Variants in DSCAM observed in about 807,000 individuals in gnomAD.
DSCAM encodes the protein DS cell adhesion molecule, also known as cell adhesion molecule DSCAM.
DSCAM carries 47 observed loss-of-function variants against 217.7 expected under a neutral mutation model. The ratio of observed to expected loss-of-function variants is 0.22; its 90% CI spans 0.17 to 0.28. The LOEUF (loss-of-function observed/expected upper bound fraction) is 0.28, where lower values mean the gene tolerates loss of function less well. Among genes scored for constraint, DSCAM ranks in the 10% least tolerant of loss-of-function variants. The pLI is 1.00. For synonymous variants in DSCAM, 1,056 were observed against 1,015.3 expected, an observed-to-expected ratio of 1.04 and a Z score of -0.76; for missense variants, 2,080 against 2,618.3, an observed-to-expected ratio of 0.79 and a Z score of 4.49.
At chr21:40,157,248 T>G (rs1461384503) in intron 16 of DSCAM, among the ~76,000 whole-genome samples, 4 of 152,226 alleles carry the variant, frequency 2.6e-5, no homozygotes, top group African/African-American at 7.2e-5. Context: ...ATTGAGCAGT[T>G]AAGACCGAGA....
At chr21:40,286,695 G>C (rs1267383120) in intron 10 of DSCAM, among the ~76,000 whole-genome samples, 1 of 143,434 alleles carries the variant, frequency 7.0e-6, no homozygotes, top group Non-Finnish European at 1.5e-5. Flanking sequence ...GTGATCCTCA[G>C]TGTGATCTGC....
chr21:40,446,317 C>T (rs2075674331), intron 3 of DSCAM, among the ~76,000 whole-genome samples: 2 of 152,164 alleles, frequency 1.3e-5, no homozygotes, highest in African/African-American at 4.8e-5. Context: ...TGTCATCAAT[C>T]AAGGCAACTG....
intron 1 of DSCAM, among the ~76,000 whole-genome samples, chr21:40,775,534 G>A (rs1243381247): frequency 6.6e-6 from 1 of 152,170 alleles, no homozygotes; most frequent in Non-Finnish European, 1.5e-5. Flanking sequence ...AGGCAAATTG[G>A]AAAAAGCTGT....
chr21:40,521,834 A>G (rs2076361702), intron 3 of DSCAM, among the ~76,000 whole-genome samples: 1 of 152,154 alleles, frequency 6.6e-6, no homozygotes, highest in South Asian at 2.1e-4. Context: ...ACATCTCAAA[A>G]TAGCTGTCAT....
intron 3 of DSCAM, among the ~76,000 whole-genome samples, chr21:40,503,467 T>G (rs2076185954): frequency 6.6e-6 from 1 of 152,236 alleles, no homozygotes; most frequent in Non-Finnish European, 1.5e-5. Context: ...GAAAACTTTA[T>G]TAACATGCAC....
intron 15 of DSCAM, among the ~76,000 whole-genome samples, chr21:40,175,379 G>A (rs773791372): frequency 3.9e-5 from 6 of 152,134 alleles, no homozygotes; most frequent in Non-Finnish European, 5.9e-5. Flanking sequence ...CTCCCAAAGT[G>A]TTGGGATTAT....
intron 5 of DSCAM, among the ~76,000 whole-genome samples, chr21:40,353,259 G>A (rs943330017): frequency 3.9e-5 from 6 of 152,174 alleles, no homozygotes; most frequent in Non-Finnish European, 5.9e-5. Context: ...AATCAAATCC[G>A]ACAGCCAAGA....
At chr21:40,229,788 G>A (rs1023792233) in intron 11 of DSCAM, among the ~76,000 whole-genome samples, 2 of 152,184 alleles carry the variant, frequency 1.3e-5, no homozygotes, top group African/African-American at 4.8e-5. Context: ...TGGCAATTAC[G>A]AACAAAGCTG....
intron 3 of DSCAM, among the ~76,000 whole-genome samples, chr21:40,474,560 C>T (rs1396703438): frequency 6.6e-6 from 1 of 152,144 alleles, no homozygotes; most frequent in East Asian, 1.9e-4. Context: ...TGCCGCCCTC[C>T]CCTTCCCCCC....
chr21:40,835,314 T>C (rs956288542), intron 1 of DSCAM, among the ~76,000 whole-genome samples: 4 of 152,190 alleles, frequency 2.6e-5, no homozygotes, highest in African/African-American at 9.7e-5. Context: ...CTATACCATG[T>C]AGGTTGTGAA....
chr21:40,333,564 C>A (rs1265083311), intron 8 of DSCAM, among the ~76,000 whole-genome samples: 2 of 152,274 alleles, frequency 1.3e-5, no homozygotes, highest in East Asian at 3.9e-4. Flanking sequence ...CAGGTTTTGC[C>A]ACGTTGGCCA....
intron 3 of DSCAM, among the ~76,000 whole-genome samples, chr21:40,492,673 T>G (rs2076085501): frequency 8.5e-6 from 1 of 117,348 alleles, no homozygotes; most frequent in Non-Finnish European, 1.7e-5. Context: ...AGAAATTATA[T>G]AATTAGAACA....
chr21:40,021,385 G>A (rs564269452), intron 32 of DSCAM, among the ~76,000 whole-genome samples: 2 of 152,182 alleles, frequency 1.3e-5, no homozygotes, highest in South Asian at 2.1e-4. Flanking sequence ...GAGAATAAAT[G>A]TGTACCACCC....
At chr21:40,039,552 CAGG>C (rs1306304932) in intron 32 of DSCAM, among the ~76,000 whole-genome samples, 1 of 151,912 alleles carries the variant, frequency 6.6e-6, no homozygotes, top group Admixed American at 6.6e-5. Flanking sequence ...TAAACACACA[CAGG>C]AGATATATAT....
chr21:40,676,743 C>A (rs1446779370), intron 3 of DSCAM, among the ~76,000 whole-genome samples: 1 of 152,132 alleles, frequency 6.6e-6, no homozygotes, highest in East Asian at 1.9e-4. Flanking sequence ...ACCTGCAAGG[C>A]TGAGATACAC....
At chr21:40,755,702 G>T (rs925350261) in intron 1 of DSCAM, among the ~76,000 whole-genome samples, 1 of 152,194 alleles carries the variant, frequency 6.6e-6, no homozygotes, top group African/African-American at 2.4e-5. Flanking sequence ...GGCGAGTTGT[G>T]TAGGGGATTC....
chr21:40,367,544 G>C (rs2123694131), intron 4 of DSCAM, among the ~76,000 whole-genome samples: 1 of 152,188 alleles, frequency 6.6e-6, no homozygotes, highest in East Asian at 1.9e-4. Flanking sequence ...AATGCATTCT[G>C]TATTCAGTGT....
At chr21:40,636,372 G>C (rs560839027) in intron 3 of DSCAM, among the ~76,000 whole-genome samples, 1 of 152,214 alleles carries the variant, frequency 6.6e-6, no homozygotes, top group Non-Finnish European at 1.5e-5. Flanking sequence ...ATATTAGAGA[G>C]AGAGGGAGAG....
chr21:40,639,953 A>G (rs2089857395), intron 3 of DSCAM, among the ~76,000 whole-genome samples: 1 of 152,198 alleles, frequency 6.6e-6, no homozygotes, highest in Non-Finnish European at 1.5e-5. Flanking sequence ...ATATCGATTC[A>G]TGGAAGTGCC....
Sources: allele counts gnomAD v4.1 joint callset (sites outside exome capture counted in the v4.1 genomes callset), GRCh38; gene constraint gnomAD v4.1.1; transcripts MANE v1.5; gene names NCBI Gene and HGNC (gene_info 2026-07-23, HGNC 2026-07-21).